ESR1: variants seen among roughly 807,000 people sequenced by gnomAD.
ESR1 encodes the protein estrogen receptor.
ESR1 carries 12 observed loss-of-function variants against 52.7 expected under a neutral mutation model. That is an observed-to-expected ratio of 0.23 (90% confidence interval 0.15 to 0.37). The LOEUF is 0.37. Ranked by LOEUF, ESR1 falls within the 10% of genes least tolerant of loss-of-function variation. ESR1 has a pLI of 1.00. For synonymous variants in ESR1, 305 were observed against 316.8 expected, an observed-to-expected ratio of 0.96 and a Z score of 0.39; for missense variants, 584 against 779.7, an observed-to-expected ratio of 0.75 and a Z score of 2.99.
In ESR1 at chr6:151,842,509, T is replaced by C. The variant is rs540274410; in HGVS notation, c.453-88T>C. The C allele has an allele frequency of 2.3e-5, 27 of 1,149,598 alleles. No individual in the cohort carries two copies. The African/African-American group carries it at 3.5e-4, about 15-fold the overall frequency. The allele number at this position is 1,149,598 out of a possible 1,614,324, so 71.2% of individuals were successfully genotyped here. On this transcript the variant is annotated intron_variant, in intron 1 of 7. Transcript: ENST00000206249. Reference sequence around the variant, plus strand: ...CATTATGATTCATTATTTCAAAATGTCAGGATAAAGTGGATCTGCTGCATC... The same window carrying C: ...CATTATGATTCATTATTTCAAAATGCCAGGATAAAGTGGATCTGCTGCATC...
chr6:152,062,747 C>T (rs530886668), intron 6 of ESR1, among the ~76,000 whole-genome samples: 3 of 152,260 alleles, frequency 2.0e-5, no homozygotes, highest in East Asian at 3.9e-4. Flanking sequence ...TCAGAGAAGG[C>T]AGGCCTATTA....
intron 1 of ESR1, among the ~76,000 whole-genome samples, chr6:151,700,242 C>T (rs1223970131): frequency 6.6e-6 from 1 of 152,174 alleles, no homozygotes; most frequent in African/African-American, 2.4e-5. Context: ...CCCATATAAT[C>T]TGACTTACAT....
intron 1 of ESR1, among the ~76,000 whole-genome samples, chr6:151,816,767 C>T (rs1012907949): frequency 2.0e-5 from 3 of 152,082 alleles, no homozygotes; most frequent in African/African-American, 7.2e-5. Flanking sequence ...AATTTGGCTG[C>T]GTGCAGCTGC....
intron 1 of ESR1, chr6:151,811,370 G>A (rs1314355647): frequency 6.6e-6 from 1 of 152,162 alleles, no homozygotes; most frequent in Non-Finnish European, 1.5e-5. Context: ...TAAAACTAAA[G>A]ATGAAGCTTA....
At chr6:152,086,626 G>A (rs191490839) in intron 6 of ESR1, among the ~76,000 whole-genome samples, 8 of 150,090 alleles carry the variant, frequency 5.3e-5, no homozygotes, top group African/African-American at 1.5e-4. Flanking sequence ...TCTAGTAGAC[G>A]TCACTAAAAA....
chr6:151,721,367 A>C (rs7772579), intron 2 of ESR1, among the ~76,000 whole-genome samples: 48,020 of 151,974 alleles, frequency 0.32, 8,155 homozygotes, highest in African/African-American at 0.43. Flanking sequence ...TTTGGTATGA[A>C]CTGTCAGGCT....
chr6:151,826,449 G>A (rs956495107), intron 1 of ESR1, among the ~76,000 whole-genome samples: 11 of 152,224 alleles, frequency 7.2e-5, no homozygotes, highest in Admixed American at 2.6e-4. Context: ...GTGTCAGCCT[G>A]TGCTGCGAGG....
At chr6:151,859,837 C>A (rs990549148) in intron 2 of ESR1, among the ~76,000 whole-genome samples, 3 of 152,138 alleles carry the variant, frequency 2.0e-5, no homozygotes, top group Non-Finnish European at 2.9e-5. Context: ...TCACTACCTC[C>A]CTCCCTGATG....
exon 7 of ESR1, chr6:152,127,760 G>T (rs1438120526): frequency 1.3e-5 from 2 of 152,162 alleles, no homozygotes; most frequent in Non-Finnish European, 2.9e-5. Context: ...CCCAGATAAT[G>T]AAAAGACTTC....
chr6:151,911,015 C>T (rs537191878), intron 3 of ESR1, among the ~76,000 whole-genome samples: 11 of 152,090 alleles, frequency 7.2e-5, no homozygotes, highest in African/African-American at 1.9e-4. Context: ...ATAGGGTTTG[C>T]GCACCTATGA....
intron 5 of ESR1, among the ~76,000 whole-genome samples, chr6:152,039,965 A>G (rs1355736363): frequency 2.6e-5 from 4 of 152,192 alleles, no homozygotes; most frequent in African/African-American, 7.2e-5. Context: ...AAAGCATTCC[A>G]TAAGTCCATG....
chr6:151,700,434 A>T (rs868573382), intron 1 of ESR1, among the ~76,000 whole-genome samples: 1 of 152,218 alleles, frequency 6.6e-6, no homozygotes, highest in Non-Finnish European at 1.5e-5. Flanking sequence ...AATGAAATAT[A>T]CAAGTCCCCT....
chr6:151,661,819 C>T (rs1314395059), intron 1 of ESR1, among the ~76,000 whole-genome samples: 1 of 152,202 alleles, frequency 6.6e-6, no homozygotes, highest in Non-Finnish European at 1.5e-5. Flanking sequence ...GTTTCCCTTT[C>T]TCTCCCTCTC....
chr6:152,111,593 A>T (rs1363983311), intron 6 of ESR1, among the ~76,000 whole-genome samples: 2 of 152,158 alleles, frequency 1.3e-5, no homozygotes, highest in African/African-American at 4.8e-5. Context: ...TTCACCCCGG[A>T]CTCAATGGAG....
At chr6:152,025,040 G>A (rs1171697304) in intron 5 of ESR1, among the ~76,000 whole-genome samples, 1 of 126,582 alleles carries the variant, frequency 7.9e-6, no homozygotes, top group Non-Finnish European at 1.6e-5. Flanking sequence ...GCAGTCATAG[G>A]CACCATTTCC....
upstream of ESR1, among the ~76,000 whole-genome samples, chr6:151,685,674 A>G (rs1044321953): frequency 6.6e-6 from 1 of 152,230 alleles, no homozygotes; most frequent in Non-Finnish European, 1.5e-5. Flanking sequence ...ATTTTGGTTC[A>G]GCAGTATCAA....
At position 152,011,739 on chromosome 6, in the gene ESR1, C is replaced by A. The variant is rs755020320; in HGVS notation, c.1180C>A (p.Arg394Ser). 6.2e-7 allele frequency: 1 copy of A among 1,613,060 alleles called. No individual in the cohort carries two copies. Among genetic ancestry groups the A allele is most frequent in the East Asian group, 2.2e-5 (1 of 44,822 alleles). Residue 394 changes from arginine to serine, a missense_variant, in exon 5 of 8, where the codon CGC becomes AGC. Physicochemically the swap from Arg to Ser is moderately radical, Grantham distance 110. Transcript: ENST00000206249. ...GATCCTGATGATTGGTCTCGTCTGG[C>A]GCTCCATGGAGCACCCAGGGAAGCT... The part of the protein sequence containing the change: ...LEILMIGLVW[R>S]SMEHPGKLLF...
At chr6:152,073,578 C>A (rs941086397) in intron 6 of ESR1, among the ~76,000 whole-genome samples, 1 of 152,344 alleles carries the variant, frequency 6.6e-6, no homozygotes, top group Middle Eastern at 3.4e-3. Context: ...TTTTGAAATG[C>A]AGAATTGTTT....
intron 5 of ESR1, 64 bp from the exon 6 acceptor site, chr6:152,060,927 T>G: frequency 7.4e-7 from 1 of 1,354,226 alleles, no homozygotes; most frequent in Non-Finnish European, 1.0e-6. Context: ...TTTCATGTCT[T>G]GTGGAAGATT....
Sources: gnomAD v4.1 joint callset for allele counts (sites outside exome capture counted in the v4.1 genomes callset) on GRCh38, gnomAD v4.1.1 for gene constraint, MANE v1.5 for transcripts, NCBI Gene and HGNC (gene_info 2026-07-23, HGNC 2026-07-21) for gene names.